Variants in RBFOX1 observed in about 807,000 individuals in gnomAD.
RBFOX1 encodes the protein RNA binding protein fox-1 homolog 1.
In RBFOX1, 8 loss-of-function variants were observed where a neutral mutation model predicts 57.7. The ratio of observed to expected loss-of-function variants is 0.14; its 90% confidence interval spans 0.08 to 0.25. RBFOX1 has a LOEUF of 0.25. Among genes scored for constraint, RBFOX1 ranks in the 10% least tolerant of loss-of-function variants. RBFOX1 has a pLI of 1.00. For synonymous variants in RBFOX1, 326 were observed against 222.4 expected (o/e 1.47, Z -4.15); for missense variants, 611 against 548.5 (o/e 1.11, Z -1.14).
intron 2 of RBFOX1, among the ~76,000 whole-genome samples, chr16:5,528,021 T>C (rs1485022495): frequency 1.3e-5 from 2 of 152,172 alleles, no homozygotes; most frequent in African/African-American, 4.8e-5. Flanking sequence ...TCCTAGTCAT[T>C]ATACATCACT....
chr16:5,425,306 A>C (rs1039296557), intron 1 of RBFOX1, among the ~76,000 whole-genome samples: 1 of 151,964 alleles, frequency 6.6e-6, no homozygotes, highest in Non-Finnish European at 1.5e-5. Flanking sequence ...TGGCTTTACC[A>C]TGTTGGCCAG....
At chr16:6,138,920 T>C (rs527315474) in intron 1 of RBFOX1, among the ~76,000 whole-genome samples, 2 of 152,112 alleles carry the variant, frequency 1.3e-5, no homozygotes, top group Non-Finnish European at 2.9e-5. Flanking sequence ...TATATTTTAT[T>C]GGTTAGAAGC....
intron 2 of RBFOX1, among the ~76,000 whole-genome samples, chr16:6,354,725 C>T (rs899663041): frequency 3.3e-5 from 5 of 152,148 alleles, no homozygotes; most frequent in Non-Finnish European, 1.5e-5. Context: ...TCTCCTCCCT[C>T]GGTCTCACTA....
chr16:6,754,374 A>G (rs1361662871), intron 3 of RBFOX1, among the ~76,000 whole-genome samples: 1 of 152,210 alleles, frequency 6.6e-6, no homozygotes, highest in South Asian at 2.1e-4. Context: ...TTGGAATTAA[A>G]TTTATTTGTA....
intron 3 of RBFOX1, among the ~76,000 whole-genome samples, chr16:6,748,063 C>T (rs986600992): frequency 1.3e-5 from 2 of 152,114 alleles, no homozygotes; most frequent in African/African-American, 4.8e-5. Flanking sequence ...GAACCATTTT[C>T]CTGATACTTT....
intron 3 of RBFOX1, among the ~76,000 whole-genome samples, chr16:6,998,955 G>C (rs1005086012): frequency 6.6e-6 from 1 of 151,020 alleles, no homozygotes; most frequent in African/African-American, 2.4e-5. Context: ...TGTAACCTCC[G>C]CCTCCCAGGT....
chr16:5,361,143 G>A (rs1455453449), intron 1 of RBFOX1, among the ~76,000 whole-genome samples: 2 of 152,192 alleles, frequency 1.3e-5, no homozygotes, highest in Non-Finnish European at 2.9e-5. Flanking sequence ...GTTTACAGAT[G>A]TAAAAGGCAA....
At chr16:5,904,760 G>A (rs73517197) in intron 4 of RBFOX1, among the ~76,000 whole-genome samples, 21,319 of 151,582 alleles carry the variant, frequency 0.14, 1,612 homozygotes, top group Middle Eastern at 0.26. Flanking sequence ...GGCAGATCAC[G>A]AGGTCAGGAG....
chr16:5,526,895 T>C (rs995177650), intron 2 of RBFOX1, among the ~76,000 whole-genome samples: 3 of 152,214 alleles, frequency 2.0e-5, no homozygotes, highest in African/African-American at 7.2e-5. Context: ...TTGTGTGACC[T>C]TGGGCACATT....
At chr16:6,938,760 T>C (rs1323135240) in intron 3 of RBFOX1, among the ~76,000 whole-genome samples, 1 of 152,092 alleles carries the variant, frequency 6.6e-6, no homozygotes, top group East Asian at 1.9e-4. Context: ...GGTGAAACCC[T>C]GTCTGTACTA....
chr16:6,416,474 G>A (rs879913087), intron 2 of RBFOX1, among the ~76,000 whole-genome samples: 10 of 151,946 alleles, frequency 6.6e-5, no homozygotes, highest in Admixed American at 6.6e-4. Flanking sequence ...CCTTCTCCTT[G>A]TCTTGTTCTT....
At chr16:7,615,958 T>C (rs573439845) in intron 10 of RBFOX1, among the ~76,000 whole-genome samples, 1 of 152,312 alleles carries the variant, frequency 6.6e-6, no homozygotes, top group Middle Eastern at 3.4e-3. Flanking sequence ...CTACCACTAA[T>C]AATGTATGAA....
At chr16:6,660,531 T>C (rs999959058) in intron 3 of RBFOX1, among the ~76,000 whole-genome samples, 3 of 152,210 alleles carry the variant, frequency 2.0e-5, no homozygotes, top group East Asian at 3.8e-4. Flanking sequence ...CCAGAGTCTG[T>C]ACATAGCCTT....
intron 4 of RBFOX1, among the ~76,000 whole-genome samples, chr16:7,066,655 G>A (rs1044900686): frequency 1.3e-5 from 2 of 152,156 alleles, no homozygotes; most frequent in African/African-American, 4.8e-5. Flanking sequence ...AACTATAGCA[G>A]CAATTATAGA....
At chr16:7,056,798 C>T (rs1277266831) in intron 4 of RBFOX1, among the ~76,000 whole-genome samples, 2 of 152,086 alleles carry the variant, frequency 1.3e-5, no homozygotes, top group South Asian at 2.1e-4. Context: ...GCATGACTGC[C>T]AGATTCTGTT....
At chr16:7,438,361 T>C (rs1409811491) in intron 4 of RBFOX1, among the ~76,000 whole-genome samples, 1 of 152,076 alleles carries the variant, frequency 6.6e-6, no homozygotes, top group Non-Finnish European at 1.5e-5. Context: ...TTGGGTCCTC[T>C]GGGGCCACGG....
At chr16:7,372,272 T>G (rs1303894739) in intron 4 of RBFOX1, among the ~76,000 whole-genome samples, 1 of 152,154 alleles carries the variant, frequency 6.6e-6, no homozygotes, top group Non-Finnish European at 1.5e-5. Context: ...ACTTCATACT[T>G]CAGATCCCAT....
At chr16:7,298,178 C>G (rs974842720) in intron 4 of RBFOX1, among the ~76,000 whole-genome samples, 1 of 152,006 alleles carries the variant, frequency 6.6e-6, no homozygotes, top group African/African-American at 2.4e-5. Context: ...TTTTATTTAT[C>G]CCCTGTTTCC....
chr16:7,362,176 AGTGT>A (rs57675211), intron 4 of RBFOX1, among the ~76,000 whole-genome samples: 42 of 150,272 alleles, frequency 2.8e-4, no homozygotes, highest in East Asian at 8.0e-4. Context: ...TATGCTTGCT[AGTGT>A]GTGTGTGTGT....
Sources: allele counts gnomAD v4.1 joint callset (sites outside exome capture counted in the v4.1 genomes callset), GRCh38; gene constraint gnomAD v4.1.1; transcripts MANE v1.5; gene names NCBI Gene and HGNC (gene_info 2026-07-23, HGNC 2026-07-21).